Variants in RIGI observed in about 807,000 individuals in gnomAD.
The protein encoded by RIGI is RNA sensor RIG-I, also known as antiviral innate immune response receptor RIG-I.
At chr9:32,500,650 T>C in the RIGI span, among the ~76,000 whole-genome samples, 1 of 152,190 alleles carries the variant, frequency 6.6e-6, no homozygotes, top group African/African-American at 2.4e-5. Flanking sequence ...GGTAGACAAT[T>C]ATATCATCTG....
the RIGI span, among the ~76,000 whole-genome samples, chr9:32,471,961 G>A: frequency 1.3e-5 from 2 of 152,138 alleles, no homozygotes; most frequent in East Asian, 1.9e-4. Flanking sequence ...GGGTATGGGA[G>A]GGTGCTTATT....
chr9:32,473,878 A>C, the RIGI span, among the ~76,000 whole-genome samples: 1 of 152,122 alleles, frequency 6.6e-6, no homozygotes, highest in Non-Finnish European at 1.5e-5. Context: ...AAATACAAAA[A>C]TTAGCTGGGC....
At chr9:32,504,627 G>A in the RIGI span, among the ~76,000 whole-genome samples, 2 of 150,950 alleles carry the variant, frequency 1.3e-5, no homozygotes, top group Non-Finnish European at 2.9e-5. Flanking sequence ...GCAGTGAGCT[G>A]AGAGCTGAGA....
chr9:32,468,423 T>C, the RIGI span, among the ~76,000 whole-genome samples: 6 of 152,050 alleles, frequency 3.9e-5, no homozygotes, highest in African/African-American at 1.4e-4. Flanking sequence ...CATAACACTT[T>C]AGGAGGCCAA....
the RIGI span, chr9:32,459,527 G>A: frequency 1.2e-6 from 2 of 1,600,316 alleles, no homozygotes; most frequent in African/African-American, 1.4e-5. Flanking sequence ...AATGCAAAAA[G>A]AAAGACCGCA....
chr9:32,468,920 G>T, the RIGI span, among the ~76,000 whole-genome samples: 1 of 152,138 alleles, frequency 6.6e-6, no homozygotes, highest in Non-Finnish European at 1.5e-5. Flanking sequence ...CTCCTGCTAG[G>T]CACACACAGC....
the RIGI span, among the ~76,000 whole-genome samples, chr9:32,506,138 A>C: frequency 6.6e-6 from 1 of 152,156 alleles, no homozygotes; most frequent in African/African-American, 2.4e-5. Flanking sequence ...AAATCACTTA[A>C]ACCTGGGAGG....
At chr9:32,479,969 T>C in the RIGI span, among the ~76,000 whole-genome samples, 1 of 152,104 alleles carries the variant, frequency 6.6e-6, no homozygotes, top group Non-Finnish European at 1.5e-5. Flanking sequence ...CTGTGAACCA[T>C]ATGGGAAACA....
chr9:32,494,777 T>G, the RIGI span, among the ~76,000 whole-genome samples: 1 of 152,190 alleles, frequency 6.6e-6, no homozygotes, highest in Admixed American at 6.5e-5. Flanking sequence ...ATACAATATT[T>G]GTCTTTTTGT....
chr9:32,497,780 A>G, the RIGI span, among the ~76,000 whole-genome samples: 1 of 150,378 alleles, frequency 6.6e-6, no homozygotes, highest in Non-Finnish European at 1.5e-5. Context: ...AAATAAATAA[A>G]TAAATAATTC....
At chr9:32,467,707 T>C in the RIGI span, 1 of 1,494,940 alleles carries the variant, frequency 6.7e-7, no homozygotes, top group Non-Finnish European at 9.0e-7. Context: ...ACACATACAC[T>C]TATAAATCAG....
At chr9:32,512,263 CA>C in the RIGI span, among the ~76,000 whole-genome samples, 1 of 152,032 alleles carries the variant, frequency 6.6e-6, no homozygotes, top group East Asian at 1.9e-4. Context: ...GAGGCAAAAC[CA>C]AAAAAGAAAA....
the RIGI span, among the ~76,000 whole-genome samples, chr9:32,479,967 C>G: frequency 6.6e-6 from 1 of 151,802 alleles, no homozygotes; most frequent in Non-Finnish European, 1.5e-5. Context: ...GTCTGTGAAC[C>G]ATATGGGAAA....
At chr9:32,464,624 G>A in the RIGI span, among the ~76,000 whole-genome samples, 2 of 152,104 alleles carry the variant, frequency 1.3e-5, no homozygotes, top group Non-Finnish European at 2.9e-5. Context: ...TGATCCACCC[G>A]CCTCGGCCTC....
At chr9:32,516,415 G>A in the RIGI span, among the ~76,000 whole-genome samples, 1 of 152,190 alleles carries the variant, frequency 6.6e-6, no homozygotes, top group Non-Finnish European at 1.5e-5. Context: ...TGGTGCTTCA[G>A]TAACAGATTT....
the RIGI span, chr9:32,500,657 T>C: frequency 2.3e-6 from 2 of 883,660 alleles, no homozygotes; most frequent in Non-Finnish European, 3.3e-6. Context: ...AATTATATCA[T>C]CTGCCTAAAA....
the RIGI span, chr9:32,487,905 T>A: frequency 1.2e-6 from 2 of 1,603,678 alleles, no homozygotes; most frequent in East Asian, 4.5e-5. Flanking sequence ...GTTAGGAAGA[T>A]TATAGCTCTT....
At chr9:32,502,879 T>A in the RIGI span, among the ~76,000 whole-genome samples, 1 of 152,336 alleles carries the variant, frequency 6.6e-6, no homozygotes, top group East Asian at 1.9e-4. Context: ...GGGACACCAG[T>A]CATATTGAAC....
the RIGI span, among the ~76,000 whole-genome samples, chr9:32,491,613 C>T: frequency 4.0e-5 from 6 of 151,278 alleles, no homozygotes; most frequent in East Asian, 1.2e-3. Flanking sequence ...GCGTTGACCT[C>T]CAATGTAATT....
Sources: gnomAD v4.1 joint callset for allele counts (sites outside exome capture counted in the v4.1 genomes callset) on GRCh38, gnomAD v4.1.1 for gene constraint, MANE v1.5 for transcripts, NCBI Gene and HGNC (gene_info 2026-07-23, HGNC 2026-07-21) for gene names.